The following DTNA variants were observed in gnomAD, a reference collection of about 807,000 sequenced individuals.
DTNA encodes dystrobrevin alpha, also known as dystrophin-related protein 3.
Under a neutral mutation model 100.7 loss-of-function variants are expected in DTNA, and 43 were observed. The observed-to-expected ratio is 0.43, with a 90% CI of 0.33 to 0.55. The LOEUF is 0.55. Ranked by LOEUF, DTNA falls within the 20% of genes least tolerant of loss-of-function variation. The probability of loss-of-function intolerance (pLI) is 0.04; values close to 1 mark genes in which losing one functional copy is unlikely to be tolerated. For synonymous variants in DTNA, 349 were observed against 347.9 expected (o/e 1.00, Z -0.04); for missense variants, 798 against 953.9 (o/e 0.84, Z 2.15).
intron 1 of DTNA, among the ~76,000 whole-genome samples, chr18:34,599,764 A>G (rs1224105127): frequency 6.6e-6 from 1 of 151,936 alleles, no homozygotes; most frequent in Admixed American, 6.6e-5. Context: ...TGCAGCCTCT[A>G]CCTCCTGGGT....
chr18:34,819,524 T>A (rs2095663092), intron 8 of DTNA, among the ~76,000 whole-genome samples: 1 of 152,248 alleles, frequency 6.6e-6, no homozygotes, highest in Non-Finnish European at 1.5e-5. Context: ...GTTAGCATAT[T>A]ACCAGTTTTC....
At chr18:34,639,121 G>A (rs969646001) in intron 1 of DTNA, among the ~76,000 whole-genome samples, 33 of 152,194 alleles carry the variant, frequency 2.2e-4, no homozygotes, top group African/African-American at 7.0e-4. Context: ...GATTATAGGC[G>A]TGAGCCACTG....
At chr18:34,518,600 C>G (rs757876617) in intron 1 of DTNA, among the ~76,000 whole-genome samples, 1 of 149,902 alleles carries the variant, frequency 6.7e-6, no homozygotes, top group Non-Finnish European at 1.5e-5. Context: ...TGTATAAGGT[C>G]TGAGATTTAG....
intron 3 of DTNA, among the ~76,000 whole-genome samples, chr18:34,792,401 C>G (rs2094788485): frequency 6.6e-6 from 1 of 152,056 alleles, no homozygotes; most frequent in African/African-American, 2.4e-5. Flanking sequence ...AACCATAGAT[C>G]TGTTCTGAAA....
At chr18:34,612,304 G>T (rs569200743) in intron 1 of DTNA, among the ~76,000 whole-genome samples, 1 of 152,186 alleles carries the variant, frequency 6.6e-6, no homozygotes, top group Non-Finnish European at 1.5e-5. Flanking sequence ...GCCATGCCAG[G>T]TGACCCACAT....
intron 2 of DTNA, among the ~76,000 whole-genome samples, chr18:34,759,289 G>T (rs1383263425): frequency 6.6e-6 from 1 of 152,184 alleles, no homozygotes; most frequent in Non-Finnish European, 1.5e-5. Flanking sequence ...AGAATAAATT[G>T]TTTGTTCTTG....
chr18:34,747,817 T>C (rs1270963142), intron 1 of DTNA, among the ~76,000 whole-genome samples: 2 of 152,162 alleles, frequency 1.3e-5, no homozygotes, highest in Non-Finnish European at 2.9e-5. Flanking sequence ...TTTCATATAA[T>C]GACTTCTTTT....
At chr18:34,558,583 AT>A (rs2046345273) in intron 1 of DTNA, among the ~76,000 whole-genome samples, 1 of 152,204 alleles carries the variant, frequency 6.6e-6, no homozygotes, top group South Asian at 2.1e-4. Flanking sequence ...ATAATATATT[AT>A]GTGATGCAAA....
intron 17 of DTNA, among the ~76,000 whole-genome samples, chr18:34,864,960 T>C (rs890530078): frequency 6.6e-6 from 1 of 152,262 alleles, no homozygotes; most frequent in Non-Finnish European, 1.5e-5. Context: ...TTAGTATACA[T>C]TAAATTGCAT....
At position 34,890,970 on chromosome 18, in the gene DTNA, C is replaced by T. The variant is rs2096961753; in HGVS notation, c.*3236C>T. ...CCGTAGATAGATCTTGTAAATCCAG[C>T]AACCTTTGGTTGCTGCATTCCCCTT... On this transcript the variant is annotated 3_prime_UTR_variant, in exon 23 of 23. Transcript: ENST00000444659. The T allele has an allele frequency of 6.5e-6, 1 of 152,808 alleles. No individual in the cohort carries two copies. Among genetic ancestry groups the T allele is most frequent in the Non-Finnish European group, 1.5e-5 (1 of 68,230 alleles). 9.5% of individuals were successfully genotyped at this position (152,808 alleles called of 1,614,324 possible).
intron 3 of DTNA, among the ~76,000 whole-genome samples, chr18:34,782,947 T>G (rs911537590): frequency 6.6e-6 from 1 of 152,204 alleles, no homozygotes; most frequent in African/African-American, 2.4e-5. Flanking sequence ...ATTAGGGCAC[T>G]AGAATGTAGG....
rs1232445254 is a variant in DTNA at position 34,749,639 on chromosome 18, CAAA to C, written c.-1-6333_-1-6331del. Among the ~76,000 whole-genome samples the C allele has an allele frequency of 4.9e-4, 37 of 75,142 alleles. No individual in the cohort carries two copies. The East Asian group carries it at 9.5e-3, about 19-fold the overall frequency. 49.3% of individuals were successfully genotyped at this position (75,142 alleles called of 152,430 possible). ...AGTAGTGAGCTCATGCACCTCTCTC[CAAA>C]AAATAATAATAATAATAATAATAAT... On this transcript the variant is annotated intron_variant, in intron 1 of 22. Coordinates refer to ENST00000444659, the MANE Select transcript of DTNA (RefSeq NM_001386795.1).
At chr18:34,865,890 G>A (rs548217115) in intron 17 of DTNA, among the ~76,000 whole-genome samples, 2 of 152,304 alleles carry the variant, frequency 1.3e-5, no homozygotes, top group South Asian at 4.2e-4. Flanking sequence ...ACAGAGAGGT[G>A]GATTGTGTTG....
At chr18:34,750,212 T>C (rs2092177114) in intron 1 of DTNA, among the ~76,000 whole-genome samples, 1 of 152,206 alleles carries the variant, frequency 6.6e-6, no homozygotes, top group South Asian at 2.1e-4. Context: ...TGTCCTGCTT[T>C]TGTGGATTTT....
intron 1 of DTNA, among the ~76,000 whole-genome samples, chr18:34,611,383 C>T (rs574858507): frequency 3.3e-5 from 5 of 152,276 alleles, no homozygotes; most frequent in African/African-American, 4.8e-5. Flanking sequence ...TGATTAAATC[C>T]TGGTCTCAGA....
chr18:34,845,587 A>T (rs1441513257), intron 13 of DTNA, among the ~76,000 whole-genome samples: 2 of 152,164 alleles, frequency 1.3e-5, no homozygotes, highest in Admixed American at 1.3e-4. Flanking sequence ...GTTGAATTAG[A>T]TGTATAGCCC....
intron 1 of DTNA, among the ~76,000 whole-genome samples, chr18:34,638,924 C>T (rs1419357178): frequency 6.6e-6 from 1 of 152,138 alleles, no homozygotes; most frequent in African/African-American, 2.4e-5. Flanking sequence ...TCACTGCAAC[C>T]TTCACCTCCC....
intron 1 of DTNA, among the ~76,000 whole-genome samples, chr18:34,644,368 T>C (rs920876930): frequency 1.3e-5 from 2 of 152,158 alleles, no homozygotes; most frequent in Non-Finnish European, 2.9e-5. Context: ...TGTTTATTAG[T>C]TGAGGTACAT....
intron 1 of DTNA, among the ~76,000 whole-genome samples, chr18:34,704,535 T>G (rs2081877270): frequency 6.6e-6 from 1 of 152,222 alleles, no homozygotes; most frequent in South Asian, 2.1e-4. Context: ...CTGACCTAAT[T>G]AAATTCTCTG....
Sources: allele counts gnomAD v4.1 joint callset (sites outside exome capture counted in the v4.1 genomes callset), GRCh38; gene constraint gnomAD v4.1.1; transcripts MANE v1.5; gene names NCBI Gene and HGNC (gene_info 2026-07-23, HGNC 2026-07-21).